Variants in OCA2 observed in about 807,000 individuals in gnomAD.
The protein encoded by OCA2 is OCA2 melanosomal transmembrane protein.
In OCA2, 77 loss-of-function variants were observed where a neutral mutation model predicts 100.2. That is an observed-to-expected ratio of 0.77 (90% confidence interval 0.64 to 0.93). The LOEUF (loss-of-function observed/expected upper bound fraction) is 0.93. Ranked by LOEUF, OCA2 falls within the 40% of genes least tolerant of loss-of-function variation. The probability of loss-of-function intolerance (pLI) is 0.00; values close to 1 mark genes in which losing one functional copy is unlikely to be tolerated. For synonymous variants in OCA2, 432 were observed against 439.2 expected, an observed-to-expected ratio of 0.98 and a Z score of 0.21; for missense variants, 1,062 against 1,089.1, an observed-to-expected ratio of 0.98 and a Z score of 0.35.
intron 12 of OCA2, among the ~76,000 whole-genome samples, chr15:27,985,742 G>C (rs186936670): frequency 1.3e-5 from 2 of 151,946 alleles, no homozygotes; most frequent in Non-Finnish European, 2.9e-5. Flanking sequence ...ACCCAGGCTG[G>C]AGTTTGGTGG....
intron 23 of OCA2, among the ~76,000 whole-genome samples, chr15:27,820,271 T>C (rs757449938): frequency 1.3e-5 from 2 of 152,222 alleles, no homozygotes; most frequent in African/African-American, 2.4e-5. Context: ...TGCTTGCTCG[T>C]GGCAACTTCC....
intron 9 of OCA2, among the ~76,000 whole-genome samples, chr15:28,002,532 T>G (rs1463874530): frequency 6.6e-6 from 1 of 152,156 alleles, no homozygotes; most frequent in Non-Finnish European, 1.5e-5. Flanking sequence ...CAGGAGCCCT[T>G]AACAGGATGA....
At chr15:28,022,329 C>T (rs1054344081) in intron 6 of OCA2, among the ~76,000 whole-genome samples, 172 bp downstream of exon 6, 2 of 152,206 alleles carry the variant, frequency 1.3e-5, no homozygotes, top group Admixed American at 1.3e-4. Context: ...TGGAGCTCCC[C>T]GCCCCTCTGT....
intron 14 of OCA2, among the ~76,000 whole-genome samples, chr15:27,976,256 T>C (rs1027951496): frequency 4.6e-5 from 7 of 152,210 alleles, no homozygotes; most frequent in African/African-American, 1.7e-4. Flanking sequence ...GTATTTCTTT[T>C]CTTGCATTAT....
chr15:28,028,692 G>T (rs1406448786), intron 3 of OCA2, among the ~76,000 whole-genome samples: 1 of 152,152 alleles, frequency 6.6e-6, no homozygotes, highest in African/African-American at 2.4e-5. Flanking sequence ...TTGTTGTTTT[G>T]TTTTGTTTTT....
intron 23 of OCA2, among the ~76,000 whole-genome samples, chr15:27,840,017 C>A (rs545012089): frequency 1.3e-5 from 2 of 152,126 alleles, no homozygotes; most frequent in African/African-American, 2.4e-5. Flanking sequence ...ATACAGAAAT[C>A]CTAGAAATAA....
At chr15:27,743,919 T>C in the OCA2 span, among the ~76,000 whole-genome samples, 6 of 152,300 alleles carry the variant, frequency 3.9e-5, no homozygotes, top group South Asian at 1.2e-3. Context: ...CACGTCATCG[T>C]TGCTTTTGAC....
intron 14 of OCA2, among the ~76,000 whole-genome samples, chr15:27,976,280 GC>G (rs1351459483): frequency 6.6e-6 from 1 of 152,126 alleles, no homozygotes; most frequent in Non-Finnish European, 1.5e-5. Context: ...GTGAGCTACA[GC>G]CTCCAATAAA....
chr15:27,910,563 A>G (rs1299381495), intron 19 of OCA2, among the ~76,000 whole-genome samples: 1 of 152,004 alleles, frequency 6.6e-6, no homozygotes. Context: ...TTAAGCTTAT[A>G]AAAAGCAAAA....
intron 7 of OCA2, among the ~76,000 whole-genome samples, chr15:28,017,973 C>A (rs1426431043): frequency 6.6e-6 from 1 of 152,062 alleles, no homozygotes; most frequent in Admixed American, 6.6e-5. Context: ...CAGGCCTACA[C>A]AGATACAGCA....
chr15:27,799,514 G>A (rs974247325), intron 23 of OCA2, among the ~76,000 whole-genome samples: 1 of 152,150 alleles, frequency 6.6e-6, no homozygotes, highest in African/African-American at 2.4e-5. Context: ...GGAGGCCAAG[G>A]CAAGTGGATA....
At chr15:27,937,750 T>C (rs1567129211) in intron 18 of OCA2, among the ~76,000 whole-genome samples, 1 of 152,216 alleles carries the variant, frequency 6.6e-6, no homozygotes, top group Admixed American at 6.5e-5. Context: ...CATTTTTCTA[T>C]TGGGGGGTTC....
chr15:28,014,260 T>C (rs959845798), intron 9 of OCA2, among the ~76,000 whole-genome samples: 10 of 152,196 alleles, frequency 6.6e-5, no homozygotes, highest in South Asian at 2.1e-4. Context: ...CCCAGAAACA[T>C]AACATTGACT....
intron 19 of OCA2, among the ~76,000 whole-genome samples, chr15:27,881,987 A>G (rs773926748): frequency 5.7e-4 from 87 of 152,128 alleles, no homozygotes; most frequent in Non-Finnish European, 1.5e-4. Flanking sequence ...ACATCTTTCT[A>G]GCTTTCTGAT....
chr15:27,799,308 G>C (rs1252905612), intron 23 of OCA2, among the ~76,000 whole-genome samples: 4 of 152,154 alleles, frequency 2.6e-5, no homozygotes. Flanking sequence ...CTGTGCTCAG[G>C]AGCCTTAACC....
intron 23 of OCA2, among the ~76,000 whole-genome samples, chr15:27,758,177 C>G (rs992123932): frequency 1.1e-4 from 17 of 152,050 alleles, no homozygotes; most frequent in African/African-American, 3.6e-4. Flanking sequence ...TTTGTTTCCC[C>G]TCATATATCC....
At chr15:28,034,142 A>T (rs568865493) in intron 2 of OCA2, among the ~76,000 whole-genome samples, 1 of 152,070 alleles carries the variant, frequency 6.6e-6, no homozygotes, top group East Asian at 2.0e-4. Flanking sequence ...ATAATAAAAA[A>T]TTGTCTGGGC....
chr15:28,027,272 A>G (rs1202466874), intron 4 of OCA2, among the ~76,000 whole-genome samples: 1 of 151,704 alleles, frequency 6.6e-6, no homozygotes, highest in Non-Finnish European at 1.5e-5. Context: ...ACGCATGCGC[A>G]TCCCCTCCCC....
chr15:27,815,323 G>A (rs899000891), intron 23 of OCA2, among the ~76,000 whole-genome samples: 29 of 152,196 alleles, frequency 1.9e-4, no homozygotes, highest in Admixed American at 1.9e-3. Flanking sequence ...TGGTGCCTGT[G>A]CCCAGACGGT....
Sources: allele counts gnomAD v4.1 joint callset (sites outside exome capture counted in the v4.1 genomes callset), GRCh38; gene constraint gnomAD v4.1.1; transcripts MANE v1.5; gene names NCBI Gene and HGNC (gene_info 2026-07-23, HGNC 2026-07-21).